The following BLCAP variants were observed in gnomAD, a reference collection of about 807,000 sequenced individuals.
BLCAP encodes apoptosis inducing factor BLCAP.
Under a neutral mutation model 5.7 loss-of-function variants are expected in BLCAP, and 1 was observed. That is an observed-to-expected ratio of 0.18 (90% CI 0.06 to 0.83). The LOEUF is 0.83. BLCAP is among the 40% of genes least tolerant of loss of function. BLCAP has a pLI of 0.71. For missense variants in BLCAP, 66 were observed against 107.6 expected (o/e 0.61, Z 1.71); for synonymous variants, 48 against 49.4 (o/e 0.97, Z 0.11).
Position 37,521,481 on chromosome 20 carries a change from C to A in BLCAP, c.-176-2131G>T, listed in dbSNP as rs2071570370. The A allele has an allele frequency of 1.4e-6, 2 of 1,414,632 alleles. No homozygotes were observed. The highest frequency in any genetic ancestry group is 2.0e-6 in the Non-Finnish European group (2 of 999,756). The allele number at this position is 1,414,632 out of a possible 1,614,324, so 87.6% of individuals were successfully genotyped here. A position where few individuals can be genotyped will look rare whatever the true frequency, so the allele number is the denominator to read the frequency against. ...AACCCGCAAGACTGCGTCGCGATTG[C>A]CGCTTCCCGGACCCGTCCTATTCCG... On this transcript the variant is annotated intron_variant, in intron 1 of 1. Coordinates refer to ENST00000373537, the MANE Select transcript of BLCAP (RefSeq NM_006698.4). This position sits in a 1 kb window ranked among gnomAD's most constrained non-coding sequence, Gnocchi z 4.5.
intron 1 of BLCAP, among the ~76,000 whole-genome samples, chr20:37,525,477 G>A (rs1004502004): frequency 1.3e-5 from 2 of 152,216 alleles, no homozygotes; most frequent in African/African-American, 2.4e-5. Context: ...CATCAGCAGG[G>A]CTGTGAGTGT....
In BLCAP at chr20:37,522,414, G is replaced by C. The variant is rs1296731216; in HGVS notation, c.-176-3064C>G. On this transcript the variant is annotated intron_variant, in intron 1 of 1. Transcript: ENST00000373537. ...GATTCGCTTTTCGAAATCCTCCAGG[G>C]ACACAGCCCATTGCGAGAAGTGAGG... is the stretch of plus-strand genomic sequence containing the variant. The C allele has an allele frequency of 3.1e-6, 5 of 1,613,896 alleles. No individual in the cohort carries two copies. In the African/African-American group the frequency reaches 6.7e-5, roughly 22 times the overall value.
chr20:37,522,746 G>C, intron 1 of BLCAP: 1 of 1,605,274 alleles, frequency 6.2e-7, no homozygotes. Context: ...CGCAGGCAGC[G>C]AGCCCCCAAC....
intron 1 of BLCAP, 90 bp from the exon 2 acceptor site, chr20:37,519,440 A>C (rs1201572960): frequency 1.4e-5 from 4 of 277,178 alleles, no homozygotes; most frequent in South Asian, 1.1e-4. Flanking sequence ...AAAAAAAAAA[A>C]CAGGAACAGA....
chr20:37,522,868 G>C, intron 1 of BLCAP: 6 of 967,788 alleles, frequency 6.2e-6, no homozygotes, highest in Non-Finnish European at 9.0e-6. Flanking sequence ...GTGTTCCCTC[G>C]CCAGAGGAGC....
intron 1 of BLCAP, chr20:37,520,680 G>A (rs1443424452): frequency 6.6e-6 from 1 of 152,374 alleles, no homozygotes; most frequent in Non-Finnish European, 1.5e-5. Flanking sequence ...TCATCTCCTC[G>A]CTACCGTAAG....
intron 1 of BLCAP, chr20:37,522,494 T>C (rs1601093980): frequency 6.5e-7 from 1 of 1,549,994 alleles, no homozygotes; most frequent in East Asian, 2.3e-5. Flanking sequence ...TCAGCACAGT[T>C]GGAAAAGCTC....
At chr20:37,522,124 T>C (rs1601092871) in intron 1 of BLCAP, among the ~76,000 whole-genome samples, 1 of 136,432 alleles carries the variant, frequency 7.3e-6, no homozygotes, top group Admixed American at 7.3e-5. Context: ...AAAAAGCCCC[T>C]CGAGAGAAAA....
At chr20:37,523,209 C>T (rs1346530629) in intron 1 of BLCAP, 6 of 156,590 alleles carry the variant, frequency 3.8e-5, no homozygotes, top group African/African-American at 9.6e-5. Context: ...GCACCAACCG[C>T]GTGCCTGTGT....
intron 1 of BLCAP, chr20:37,523,544 T>C (rs1418892979): frequency 1.3e-5 from 2 of 152,664 alleles, no homozygotes; most frequent in African/African-American, 4.8e-5. Flanking sequence ...ATTGTACTGA[T>C]TGTTTAAGTG....
intron 1 of BLCAP, chr20:37,522,646 G>T: frequency 6.2e-7 from 1 of 1,602,474 alleles, no homozygotes; most frequent in African/African-American, 1.3e-5. Context: ...CTAAGGGTGG[G>T]TCCTGGGTTT....
rs117228460 is a variant in BLCAP, at chr20:37,521,169, T to A, written c.-176-1819A>T. 2.8e-6 allele frequency: 2 copies of A among 702,472 alleles called. No homozygotes were observed. Among genetic ancestry groups the A allele is most frequent in the African/African-American group, 1.8e-5 (1 of 56,450 alleles). The allele number at this position is 702,472 out of a possible 1,614,324, so 43.5% of individuals were successfully genotyped here. On this transcript the variant is annotated intron_variant, in intron 1 of 1. Transcript: ENST00000373537. This position sits in a 1 kb window ranked among gnomAD's most constrained non-coding sequence, Gnocchi z 4.5. ...AATGAGGAGCGCCCCCAGCCACCCC[T>A]CCTCATAAACACCCCCCAAGGCGCG... is the stretch of plus-strand genomic sequence containing the variant.
At chr20:37,522,591 G>C in intron 1 of BLCAP, 2 of 1,442,122 alleles carry the variant, frequency 1.4e-6, no homozygotes, top group Non-Finnish European at 9.4e-7. Context: ...GGGTGGGGCG[G>C]GGGTGGGCAC....
rs1343886729 is a variant in BLCAP, at chr20:37,519,037, A to G, written c.138T>C (p.Cys46=). The G allele has an allele frequency of 1.2e-6, 2 of 1,614,234 alleles. No individual in the cohort carries two copies. The highest frequency in any genetic ancestry group is 2.2e-5 in the South Asian group (2 of 91,084). Residue 46 remains cysteine (C), a synonymous_variant, in exon 2 of 2, where the codon TGT becomes TGC. Transcript: ENST00000373537. ...ACAGGGCTGCCAGGAAAACCAAGGC[A>G]CAAATTGTGCAAGGCTTCCGTTCCA... ...FLLERKPCTI[C]ALVFLAALFL...
rs1601091813 is a variant in BLCAP at position 37,521,699 on chromosome 20, C to T, written c.-176-2349G>A. ...TTAGCGACCTACGCGGTAAGAAAAA[C>T]CCGCTACACCCGGACTCGACCCCAG... On this transcript the variant is annotated intron_variant, in intron 1 of 1. Transcript: ENST00000373537. The surrounding 1 kb of genome is among the most constrained non-coding windows in gnomAD (Gnocchi z 4.5). 1 of 383,948 alleles carries T rather than the reference C, an allele frequency of 2.6e-6. No homozygotes were observed. The highest frequency in any genetic ancestry group is 5.3e-5 in the East Asian group (1 of 19,046). 23.8% of individuals were successfully genotyped at this position (383,948 alleles called of 1,614,324 possible). A position where few individuals can be genotyped will look rare whatever the true frequency, so the allele number is the denominator to read the frequency against.
rs940771264 is a variant in BLCAP at position 37,521,578 on chromosome 20, C to T, written c.-176-2228G>A. 1.9e-4 allele frequency: 125 copies of T among 654,558 alleles called. 1 individual carries two copies. Among genetic ancestry groups the T allele is most frequent in the Middle Eastern group, 1.2e-3 (3 of 2,444 alleles). The allele number at this position is 654,558 out of a possible 1,614,324, so 40.5% of individuals were successfully genotyped here. On this transcript the variant is annotated intron_variant, in intron 1 of 1. Transcript: ENST00000373537. This position sits in a 1 kb window ranked among gnomAD's most constrained non-coding sequence, Gnocchi z 4.5. ...GCCCCCTGCCCATTCCCTGCGCCGT[C>T]CTCCTCGCGCTGACCCTCCCTAGTG...
rs1301984890 is a variant in BLCAP, at chr20:37,520,624, GTGCTC to G, written c.-176-1279_-176-1275del. 8.5e-5 allele frequency: 13 copies of G among 152,484 alleles called. No homozygotes were observed. In the East Asian group the frequency reaches 2.5e-3, roughly 29 times the overall value. 9.4% of individuals were successfully genotyped at this position (152,484 alleles called of 1,614,324 possible). ...CTACTGCTTTTGCGCCCAAAGCGCA[GTGCTC>G]TGGCTCAGCTCCCTACAGTAGCGAC... On this transcript the variant is annotated intron_variant, in intron 1 of 1. Transcript: ENST00000373537.
chr20:37,522,598 G>GGGGGGGGGGGGGGGGGGGGGGGGGGCCCC, intron 1 of BLCAP: 2 of 864,450 alleles, frequency 2.3e-6, no homozygotes, highest in Non-Finnish European at 3.4e-6. Context: ...GCGGGGGTGG[G>GGGGGGGGGGGGGGGGGGGGGGGGGGCCCC]CACGGCAGCA....
In BLCAP at chr20:37,518,821, T is replaced by C. The variant is rs2147181974; in HGVS notation, c.*90A>G. Reference sequence around the variant, plus strand: ...GTCAGGAATGTGACACCCGCGAGGCTGCGGGATTTGAAACTCCAATGCTTT... The same window carrying C: ...GTCAGGAATGTGACACCCGCGAGGCCGCGGGATTTGAAACTCCAATGCTTT... On this transcript the variant is annotated 3_prime_UTR_variant, in exon 2 of 2. Coordinates refer to ENST00000373537, the MANE Select transcript of BLCAP (RefSeq NM_006698.4). 1.3e-6 allele frequency: 2 copies of C among 1,518,222 alleles called. No individual in the cohort carries two copies. Among genetic ancestry groups the C allele is most frequent in the Non-Finnish European group, 1.8e-6 (2 of 1,129,754 alleles). 94.0% of individuals were successfully genotyped at this position (1,518,222 alleles called of 1,614,324 possible). A position where few individuals can be genotyped will look rare whatever the true frequency, so the allele number is the denominator to read the frequency against.
Sources: gnomAD v4.1 joint callset for allele counts (sites outside exome capture counted in the v4.1 genomes callset) on GRCh38, gnomAD v4.1.1 for gene constraint, Gnocchi (gnomAD v3.1) non-coding constraint, MANE v1.5 for transcripts, NCBI Gene and HGNC (gene_info 2026-07-23, HGNC 2026-07-21) for gene names.